Variants in SLC9A9 observed in about 807,000 individuals in gnomAD.
The protein encoded by SLC9A9 is sodium/hydrogen exchanger 9.
Under a neutral mutation model 77.8 loss-of-function variants are expected in SLC9A9, and 62 were observed. The ratio of observed to expected loss-of-function variants is 0.80; its 90% confidence interval spans 0.65 to 0.98. The LOEUF (loss-of-function observed/expected upper bound fraction) is 0.98. SLC9A9 is among the 50% of genes least tolerant of loss of function. The pLI is 0.00. For synonymous variants in SLC9A9, 320 were observed against 283.5 expected, an observed-to-expected ratio of 1.13 and a Z score of -1.29; for missense variants, 775 against 774.9, an observed-to-expected ratio of 1.00 and a Z score of 0.00.
At chr3:143,733,944 C>A (rs1241074141) in intron 4 of SLC9A9, among the ~76,000 whole-genome samples, 3 of 152,100 alleles carry the variant, frequency 2.0e-5, no homozygotes, top group African/African-American at 7.2e-5. Context: ...TACCTATAAT[C>A]CCAGCACTTT....
intron 9 of SLC9A9, among the ~76,000 whole-genome samples, chr3:143,510,053 T>A (rs2108604150): frequency 1.3e-5 from 2 of 152,340 alleles, no homozygotes; most frequent in East Asian, 3.9e-4. Flanking sequence ...AATTGCATAA[T>A]TTGTATAGAT....
chr3:143,678,618 C>A (rs7644727), intron 5 of SLC9A9, among the ~76,000 whole-genome samples: 87,946 of 151,968 alleles, frequency 0.58, 26,273 homozygotes, highest in East Asian at 0.72. Context: ...GTGTCTGGAT[C>A]ATCTATTATT....
chr3:143,653,036 A>G (rs947427923), intron 5 of SLC9A9, among the ~76,000 whole-genome samples: 1 of 152,194 alleles, frequency 6.6e-6, no homozygotes, highest in South Asian at 2.1e-4. Context: ...TGCTTGATGC[A>G]TGAATGACTA....
chr3:143,418,357 C>T (rs1341517753), intron 12 of SLC9A9, among the ~76,000 whole-genome samples: 1 of 151,986 alleles, frequency 6.6e-6, no homozygotes, highest in African/African-American at 2.4e-5. Context: ...CTGTGGTAAA[C>T]AGTGTTGGCT....
intron 4 of SLC9A9, among the ~76,000 whole-genome samples, chr3:143,737,151 T>A (rs897450121): frequency 6.6e-6 from 1 of 152,206 alleles, no homozygotes; most frequent in Non-Finnish European, 1.5e-5. Context: ...TCAAGGAGCA[T>A]GCTTTCTAGA....
chr3:143,481,012 G>A (rs897287627), intron 11 of SLC9A9, among the ~76,000 whole-genome samples: 2 of 152,208 alleles, frequency 1.3e-5, no homozygotes, highest in African/African-American at 2.4e-5. Context: ...CTGAAGTTGA[G>A]TTTAGCCTGA....
chr3:143,316,152 A>C (rs1429125490), intron 14 of SLC9A9, among the ~76,000 whole-genome samples: 1 of 152,178 alleles, frequency 6.6e-6, no homozygotes, highest in Non-Finnish European at 1.5e-5. Context: ...CCAGGCAGAA[A>C]CATTTCCCAC....
intron 6 of SLC9A9, among the ~76,000 whole-genome samples, chr3:143,581,292 T>A (rs988696972): frequency 6.6e-6 from 1 of 151,992 alleles, no homozygotes; most frequent in African/African-American, 2.4e-5. Flanking sequence ...TGTGGTGGGG[T>A]AAAGATGGGT....
intron 2 of SLC9A9, among the ~76,000 whole-genome samples, chr3:143,819,424 A>G (rs1357893944): frequency 6.6e-6 from 1 of 152,230 alleles, no homozygotes; most frequent in Non-Finnish European, 1.5e-5. Context: ...ACTTGGCAGC[A>G]TGGAGTTGTA....
chr3:143,549,938 T>C (rs59016370), intron 9 of SLC9A9, among the ~76,000 whole-genome samples: 2,257 of 152,262 alleles, frequency 0.015, 58 homozygotes, highest in African/African-American at 0.052. Context: ...TGAAAGACTA[T>C]ATGTTGGAGG....
intron 4 of SLC9A9, among the ~76,000 whole-genome samples, chr3:143,785,798 T>A: frequency 6.6e-6 from 1 of 150,850 alleles, no homozygotes; most frequent in East Asian, 1.9e-4. Flanking sequence ...TGTCTGAGGG[T>A]ACTGAAGAAT....
At chr3:143,826,279 A>G (rs1015159883) in intron 2 of SLC9A9, among the ~76,000 whole-genome samples, 16 of 150,624 alleles carry the variant, frequency 1.1e-4, no homozygotes, top group Non-Finnish European at 1.6e-4. Flanking sequence ...AAAAACCACC[A>G]TATTTGTGAT....
Position 143,453,079 on chromosome 3 carries a change from A to C in SLC9A9, c.1469+13958T>G, listed in dbSNP as rs531395036. 3.9e-5 allele frequency among the ~76,000 whole-genome samples: 6 copies of C among 152,234 alleles called. No individual in the cohort carries two copies. In the South Asian group the frequency reaches 1.2e-3, roughly 32 times the overall value. ...ATTAATAATGGGTGAAACTAGGTTA[A>C]GGGCATATCGATATTTATTTTACTA... On this transcript the variant is annotated intron_variant, in intron 12 of 15. Coordinates refer to ENST00000316549, the MANE Select transcript of SLC9A9 (RefSeq NM_173653.4).
At chr3:143,267,175 T>C (rs189103028) in intron 15 of SLC9A9, among the ~76,000 whole-genome samples, 8 of 152,134 alleles carry the variant, frequency 5.3e-5, no homozygotes, top group African/African-American at 1.7e-4. Flanking sequence ...AAGAGCATGG[T>C]ACTTTCATTT....
chr3:143,343,070 GTGTT>G (rs1316905825), intron 14 of SLC9A9, among the ~76,000 whole-genome samples: 3 of 152,106 alleles, frequency 2.0e-5, no homozygotes, highest in Non-Finnish European at 2.9e-5. Context: ...CTATTTTCTA[GTGTT>G]TGTTTATTTC....
In SLC9A9 at chr3:143,382,042, T is replaced by G. The variant is rs759045928; in HGVS notation, c.1524+18A>C. On this transcript the variant is annotated intron_variant, in intron 13 of 15. Coordinates refer to ENST00000316549, the MANE Select transcript of SLC9A9 (RefSeq NM_173653.4). ...CAATCATATCTCTATATAATGTGCA[T>G]TGGTTTCTTTGACTTGCCTGGTGTT... 3.7e-6 allele frequency: 6 copies of G among 1,614,000 alleles called. No homozygotes were observed. The highest frequency in any genetic ancestry group is 5.1e-6 in the Non-Finnish European group (6 of 1,179,860).
At chr3:143,297,590 CT>C (rs1451700529) in intron 14 of SLC9A9, among the ~76,000 whole-genome samples, 2 of 152,120 alleles carry the variant, frequency 1.3e-5, no homozygotes, top group African/African-American at 4.8e-5. Flanking sequence ...TGGAATTTTA[CT>C]TTGCTAGTAT....
chr3:143,585,879 A>G (rs1188189382), intron 6 of SLC9A9, among the ~76,000 whole-genome samples: 2 of 152,204 alleles, frequency 1.3e-5, no homozygotes, highest in Non-Finnish European at 2.9e-5. Context: ...GCCATGTCCA[A>G]TAACTCCCTT....
chr3:143,518,171 G>A (rs1373357900), intron 9 of SLC9A9: 6 of 1,599,720 alleles, frequency 3.8e-6, no homozygotes, highest in East Asian at 2.2e-5. Flanking sequence ...CAGAACGCTC[G>A]GATCCTCCTT....
Sources: allele counts gnomAD v4.1 joint callset (sites outside exome capture counted in the v4.1 genomes callset), GRCh38; gene constraint gnomAD v4.1.1; transcripts MANE v1.5; gene names NCBI Gene and HGNC (gene_info 2026-07-23, HGNC 2026-07-21).